Variants in SNRK observed in about 807,000 individuals in gnomAD.
SNRK encodes SNF related kinase.
In SNRK, 3 loss-of-function variants were observed where a neutral mutation model predicts 48.2. The ratio of observed to expected loss-of-function variants is 0.06; its 90% CI spans 0.03 to 0.16. The LOEUF is 0.16. Among genes scored for constraint, SNRK ranks in the 10% least tolerant of loss-of-function variants. SNRK has a pLI of 1.00. For synonymous variants in SNRK, 376 were observed against 366.1 expected (o/e 1.03, Z -0.31); for missense variants, 627 against 976.0 (o/e 0.64, Z 4.76).
At chr3:43,335,399 G>T (rs1559469004) in intron 4 of SNRK, among the ~76,000 whole-genome samples, 1 of 152,050 alleles carries the variant, frequency 6.6e-6, no homozygotes, top group Non-Finnish European at 1.5e-5. Flanking sequence ...GCTTTTTATT[G>T]ATTTCTAACT....
chr3:43,312,261 G>A (rs1361993773), intron 3 of SNRK, among the ~76,000 whole-genome samples: 1 of 152,112 alleles, frequency 6.6e-6, no homozygotes, highest in Non-Finnish European at 1.5e-5. Flanking sequence ...CAAATGTTTG[G>A]ATTTAGATTA....
intron 6 of SNRK, chr3:43,346,916 C>T (rs1185315507): frequency 1.3e-5 from 2 of 155,962 alleles, no homozygotes; most frequent in African/African-American, 2.4e-5. Context: ...ATCAGGAGCC[C>T]TGGAAATTTC....
intron 6 of SNRK, among the ~76,000 whole-genome samples, chr3:43,345,862 A>T (rs1234109524): frequency 6.6e-6 from 1 of 152,256 alleles, no homozygotes; most frequent in Admixed American, 6.5e-5. Context: ...TTTGTTAAAA[A>T]TATGAATAAT....
intron 3 of SNRK, among the ~76,000 whole-genome samples, chr3:43,319,903 T>C (rs2091041141): frequency 6.6e-6 from 1 of 152,214 alleles, no homozygotes; most frequent in Non-Finnish European, 1.5e-5. Context: ...TTCAGAGAGA[T>C]ACAAACATGC....
chr3:43,303,012 A>G lies in SNRK; in HGVS notation c.-106-86A>G. ...TTATTTTCTTCAAGTTTCTCTTAAAATGAAAAAAACAAAAAATGAAGTGAT... is the reference window on the plus strand; with the variant it reads ...TTATTTTCTTCAAGTTTCTCTTAAAGTGAAAAAAACAAAAAATGAAGTGAT... On this transcript the variant is annotated intron_variant, in intron 2 of 6. Transcript: ENST00000296088. The surrounding 1 kb of genome is among the most constrained non-coding windows in gnomAD (Gnocchi z 6.2). The G allele has an allele frequency of 4.3e-6, 2 of 460,832 alleles. No homozygotes were observed. The allele number at this position is 460,832 out of a possible 1,614,324, so 28.5% of individuals were successfully genotyped here.
At chr3:43,289,116 A>G (rs1027598725) in intron 1 of SNRK, among the ~76,000 whole-genome samples, 74 of 152,326 alleles carry the variant, frequency 4.9e-4, no homozygotes, top group Non-Finnish European at 2.5e-4. Context: ...CAGTAACAGT[A>G]CGAACAGATG....
At chr3:43,290,692 T>C (rs191881674) in intron 1 of SNRK, among the ~76,000 whole-genome samples, 16 of 152,356 alleles carry the variant, frequency 1.1e-4, no homozygotes, top group African/African-American at 3.8e-4. Context: ...GCTGCCAGAG[T>C]AATTTGTTAA....
intron 1 of SNRK, among the ~76,000 whole-genome samples, chr3:43,297,212 C>T (rs531972359): frequency 3.9e-5 from 6 of 152,164 alleles, no homozygotes; most frequent in African/African-American, 1.4e-4. Flanking sequence ...AACTTCATGT[C>T]GAAAATCTTA....
At chr3:43,322,573 G>A (rs2091062069) in intron 3 of SNRK, among the ~76,000 whole-genome samples, 1 of 152,142 alleles carries the variant, frequency 6.6e-6, no homozygotes, top group Non-Finnish European at 1.5e-5. Flanking sequence ...AAGAAGTTAT[G>A]TAACTAGCCA....
intron 1 of SNRK, among the ~76,000 whole-genome samples, chr3:43,294,408 A>G (rs1379409048): frequency 6.6e-6 from 1 of 152,192 alleles, no homozygotes; most frequent in Admixed American, 6.5e-5. Context: ...TTTATACCCC[A>G]TTTTTAATAA....
chr3:43,346,040 G>A lies in SNRK; in HGVS notation c.1080-1299G>A, dbSNP rs558551843. Among the ~76,000 whole-genome samples, 218 of 152,134 alleles carry A rather than the reference G, an allele frequency of 1.4e-3. 1 individual carries two copies. Among genetic ancestry groups the A allele is most frequent in the Non-Finnish European group, 2.4e-3 (164 of 68,016 alleles). ...AGCCTGCCCTGTAGAGCCGAGGACA[G>A]CACTGTTGGAACTCTCTAGGGAGGA... On this transcript the variant is annotated intron_variant, in intron 6 of 6. Transcript: ENST00000296088.
intron 6 of SNRK, among the ~76,000 whole-genome samples, chr3:43,344,715 C>A (rs996232456): frequency 1.3e-5 from 2 of 151,870 alleles, no homozygotes; most frequent in Non-Finnish European, 2.9e-5. Context: ...GAGGACTGAA[C>A]CCAGGGAGTG....
At chr3:43,301,371 A>G (rs572948984) in intron 2 of SNRK, among the ~76,000 whole-genome samples, 12 of 152,310 alleles carry the variant, frequency 7.9e-5, no homozygotes, top group African/African-American at 2.9e-4. Flanking sequence ...TTTATAAACA[A>G]TGTGGGCTTT....
At chr3:43,332,473 T>G in intron 4 of SNRK, 163 bp downstream of exon 4, 1 of 187,748 alleles carries the variant, frequency 5.3e-6, no homozygotes, top group Non-Finnish European at 1.0e-5. Flanking sequence ...TTCAGAGTGT[T>G]CGGTCGGCGG....
chr3:43,343,275 ATC>A, intron 5 of SNRK, 67 bp from the exon 6 acceptor site: 1 of 1,500,482 alleles, frequency 6.7e-7, no homozygotes, highest in Non-Finnish European at 8.9e-7. Context: ...ACTTTTAAAA[ATC>A]AATTCTGCTT....
chr3:43,342,131 T>G (rs1023210043), intron 5 of SNRK, among the ~76,000 whole-genome samples: 3 of 152,204 alleles, frequency 2.0e-5, no homozygotes, highest in African/African-American at 7.2e-5. Context: ...CATATATACA[T>G]GTAGTAGTGT....
At position 43,348,657 on chromosome 3, in the gene SNRK, TAGG is replaced by T; in HGVS notation, c.*103_*105del. 1 of 1,232,074 alleles carries T rather than the reference TAGG, an allele frequency of 8.1e-7. No individual in the cohort carries two copies. Among genetic ancestry groups the T allele is most frequent in the Middle Eastern group, 2.7e-4 (1 of 3,654 alleles). The allele number at this position is 1,232,074 out of a possible 1,614,324, so 76.3% of individuals were successfully genotyped here. Reference sequence around the variant, plus strand: ...GGTTTTACTATTTTAAAGTGGGCGTTAGGAGCAATTATTTATTACCTTTCCATT... The same window carrying T: ...GGTTTTACTATTTTAAAGTGGGCGTTAGCAATTATTTATTACCTTTCCATT... On this transcript the variant is annotated 3_prime_UTR_variant, in exon 7 of 7. Transcript: ENST00000296088.
chr3:43,307,228 T>G (rs942029660), intron 3 of SNRK, among the ~76,000 whole-genome samples: 2 of 152,184 alleles, frequency 1.3e-5, no homozygotes, highest in Admixed American at 1.3e-4. Flanking sequence ...TTCTAATATA[T>G]TTTACATGAT....
intron 1 of SNRK, among the ~76,000 whole-genome samples, chr3:43,287,420 A>C (rs143620204): frequency 6.6e-6 from 1 of 152,118 alleles, no homozygotes; most frequent in Non-Finnish European, 1.5e-5. Flanking sequence ...GAGCTGTGCT[A>C]TTTGTAACTG....
Sources: allele counts gnomAD v4.1 joint callset (sites outside exome capture counted in the v4.1 genomes callset), GRCh38; gene constraint gnomAD v4.1.1; non-coding constraint Gnocchi (gnomAD v3.1); transcripts MANE v1.5; gene names NCBI Gene and HGNC (gene_info 2026-07-23, HGNC 2026-07-21).